C4orf36: variants seen among roughly 807,000 people sequenced by gnomAD.
C4orf36 encodes the protein chromosome 4 open reading frame 36.
In C4orf36, 11 loss-of-function variants were observed where a neutral mutation model predicts 12.2. The ratio of observed to expected loss-of-function variants is 0.90; its 90% CI spans 0.57 to 1.49. The LOEUF is 1.49. Among genes scored for constraint, C4orf36 ranks in the 40% most tolerant of loss-of-function variants. C4orf36 has a pLI of 0.00. For synonymous variants in C4orf36, 54 were observed against 51.3 expected (o/e 1.05, Z -0.22); for missense variants, 137 against 133.9 (o/e 1.02, Z -0.11).
At chr4:86,904,257 C>T in the C4orf36 span, among the ~76,000 whole-genome samples, 1 of 152,344 alleles carries the variant, frequency 6.6e-6, no homozygotes, top group East Asian at 1.9e-4. Context: ...CTAGCGAGCG[C>T]CTTGCGCAGC....
chr4:86,892,400 C>G lies in C4orf36; in HGVS notation c.-291G>C, dbSNP rs956218182. On this transcript the variant is annotated 5_prime_UTR_variant, in exon 1 of 5. Transcript: ENST00000295898. The stretch of plus-strand genomic sequence containing the variant: ...GCGCCGCAGGCACACGCCTCCTTCC[C>G]GCTCGCCGCGGGCGCCGAGTCTGGG... 1.6e-4 allele frequency: 153 copies of G among 985,474 alleles called. No homozygotes were observed. The highest frequency in any genetic ancestry group is 1.8e-4 in the Non-Finnish European group (147 of 830,074). The allele number at this position is 985,474 out of a possible 1,614,324, so 61.0% of individuals were successfully genotyped here. A position where few individuals can be genotyped will look rare whatever the true frequency, so the allele number is the denominator to read the frequency against.
At chr4:86,906,405 AT>A in the C4orf36 span, among the ~76,000 whole-genome samples, 1 of 152,058 alleles carries the variant, frequency 6.6e-6, no homozygotes, top group African/African-American at 2.4e-5. Context: ...AAATATTCGG[AT>A]TCAGATAGTA....
the C4orf36 span, chr4:86,932,239 C>A: frequency 7.4e-5 from 11 of 148,894 alleles, no homozygotes; most frequent in East Asian, 9.9e-4. Context: ...CCCAGCTACT[C>A]GGGAGGCTGA....
chr4:86,886,292 T>C (rs977597804), intron 4 of C4orf36, among the ~76,000 whole-genome samples: 9 of 152,188 alleles, frequency 5.9e-5, no homozygotes, highest in Admixed American at 1.3e-4. Flanking sequence ...AAAGAGCTTC[T>C]GCACAGCAAA....
chr4:86,916,740 A>G, the C4orf36 span, among the ~76,000 whole-genome samples: 1 of 152,352 alleles, frequency 6.6e-6, no homozygotes, highest in African/African-American at 2.4e-5. Flanking sequence ...ACAGACTCAT[A>G]GAATACCTTG....
the C4orf36 span, among the ~76,000 whole-genome samples, chr4:86,901,349 C>G: frequency 6.8e-6 from 1 of 147,438 alleles, no homozygotes; most frequent in Non-Finnish European, 1.5e-5. Flanking sequence ...CATATCTGAT[C>G]TCTTCTCTCT....
chr4:86,886,184 G>A (rs1255903974), intron 4 of C4orf36, among the ~76,000 whole-genome samples: 1 of 152,138 alleles, frequency 6.6e-6, no homozygotes, highest in East Asian at 1.9e-4. Context: ...TCTCTACCAG[G>A]CTTTGGTATC....
At chr4:86,911,885 GT>G in the C4orf36 span, among the ~76,000 whole-genome samples, 2 of 151,782 alleles carry the variant, frequency 1.3e-5, no homozygotes, top group Non-Finnish European at 2.9e-5. Context: ...TTGAGACGGA[GT>G]TTTGCTTTTT....
At chr4:86,898,255 G>C in the C4orf36 span, among the ~76,000 whole-genome samples, 1 of 152,158 alleles carries the variant, frequency 6.6e-6, no homozygotes, top group Non-Finnish European at 1.5e-5. Flanking sequence ...AGCCAGGTGT[G>C]ATGGCACGTG....
At chr4:86,880,807 T>C (rs2904149) in intron 4 of C4orf36, among the ~76,000 whole-genome samples, 139,190 of 152,240 alleles carry the variant, frequency 0.91, 64,632 homozygotes, top group Non-Finnish European at 0.99. Context: ...TTTGGGAGGC[T>C]GAGGCAGGCA....
At chr4:86,930,864 T>C in the C4orf36 span, among the ~76,000 whole-genome samples, 1 of 152,240 alleles carries the variant, frequency 6.6e-6, no homozygotes, top group African/African-American at 2.4e-5. Flanking sequence ...ATTTTAATTA[T>C]AATAATTGTG....
chr4:86,889,866 T>G lies in C4orf36; in HGVS notation c.65+1590A>C, dbSNP rs114314141. ...CAGGAGGCTAAGGCTGAGACTGCAC[T>G]GAGGTGATAGAGTGATACCCTGTCT... On this transcript the variant is annotated intron_variant, in intron 2 of 4. Transcript: ENST00000295898. Among the ~76,000 whole-genome samples the G allele has an allele frequency of 9.9e-3, 1,493 of 151,438 alleles. 24 individuals carry two copies. The highest frequency in any genetic ancestry group is 0.034 in the African/African-American group (1,414 of 41,224).
At chr4:86,905,514 T>C in the C4orf36 span, among the ~76,000 whole-genome samples, 3 of 152,094 alleles carry the variant, frequency 2.0e-5, no homozygotes, top group Non-Finnish European at 4.4e-5. Flanking sequence ...GATGGCACCA[T>C]TGCACTCTAG....
intron 1 of C4orf36, 112 bp from the exon 2 acceptor site, chr4:86,891,705 T>G (rs1747424230): frequency 3.0e-6 from 3 of 1,011,714 alleles, no homozygotes; most frequent in African/African-American, 1.6e-5. Flanking sequence ...TTCATTGAAC[T>G]GGAACCCCAA....
the C4orf36 span, among the ~76,000 whole-genome samples, chr4:86,899,171 T>C: frequency 6.6e-6 from 1 of 152,230 alleles, no homozygotes; most frequent in African/African-American, 2.4e-5. Flanking sequence ...TCAATTTTTT[T>C]TTGTCTGCTC....
the C4orf36 span, among the ~76,000 whole-genome samples, chr4:86,910,200 C>T: frequency 0.02 from 3,024 of 152,048 alleles, 109 homozygotes; most frequent in African/African-American, 0.068. Context: ...CCAGCACTTT[C>T]GGAGGCCAAG....
the C4orf36 span, among the ~76,000 whole-genome samples, chr4:86,898,361 C>T: frequency 1.3e-5 from 2 of 152,004 alleles, no homozygotes; most frequent in Admixed American, 1.3e-4. Context: ...CACTGGCCCC[C>T]AGTCTGGGTG....
chr4:86,905,379 G>GAAAT, the C4orf36 span, among the ~76,000 whole-genome samples: 21,080 of 150,832 alleles, frequency 0.14, 1,919 homozygotes, highest in East Asian at 0.3. Flanking sequence ...ACTCCATCTC[G>GAAAT]AAATAAATAA....
At chr4:86,914,052 C>T in the C4orf36 span, 17 of 1,610,794 alleles carry the variant, frequency 1.1e-5, no homozygotes, top group Non-Finnish European at 1.4e-5. Flanking sequence ...GCAATCCAAG[C>T]TGAGGACTGT....
Sources: gnomAD v4.1 joint callset for allele counts (sites outside exome capture counted in the v4.1 genomes callset) on GRCh38, gnomAD v4.1.1 for gene constraint, MANE v1.5 for transcripts, NCBI Gene and HGNC (gene_info 2026-07-23, HGNC 2026-07-21) for gene names.